Variants in JAKMIP3 observed in about 807,000 individuals in gnomAD.
JAKMIP3 encodes the protein janus kinase and microtubule-interacting protein 3.
Under a neutral mutation model 118.5 loss-of-function variants are expected in JAKMIP3, and 58 were observed. The ratio of observed to expected loss-of-function variants is 0.49; its 90% CI spans 0.40 to 0.61. The LOEUF is 0.61. JAKMIP3 is among the 20% of genes least tolerant of loss of function. The pLI is 0.00. For missense variants in JAKMIP3, 950 were observed against 1,109.0 expected, an observed-to-expected ratio of 0.86 and a Z score of 2.04; for synonymous variants, 486 against 451.2, an observed-to-expected ratio of 1.08 and a Z score of -0.98.
At chr10:132,096,032 T>C (rs2043812670) in intron 1 of JAKMIP3, among the ~76,000 whole-genome samples, 1 of 151,616 alleles carries the variant, frequency 6.6e-6, no homozygotes, top group Admixed American at 6.6e-5. Flanking sequence ...GGTGCTGTGG[T>C]CTTGGGGGGG....
At chr10:132,181,869 C>T (rs916795508) in intron 23 of JAKMIP3, among the ~76,000 whole-genome samples, 1 of 152,092 alleles carries the variant, frequency 6.6e-6, no homozygotes, top group Non-Finnish European at 1.5e-5. Context: ...CCTCAGCCCA[C>T]GTGGCCTCCC....
At chr10:132,054,039 CAAAA>C (rs5789112) in intron 1 of JAKMIP3, among the ~76,000 whole-genome samples, 73 of 100,590 alleles carry the variant, frequency 7.3e-4, no homozygotes, top group East Asian at 5.8e-3. Context: ...GACTCTGTCT[CAAAA>C]AAAAAAAAAA....
At chr10:132,093,534 A>G (rs1261096998) in intron 1 of JAKMIP3, among the ~76,000 whole-genome samples, 1 of 152,212 alleles carries the variant, frequency 6.6e-6, no homozygotes, top group African/African-American at 2.4e-5. Flanking sequence ...GGACCCTCTG[A>G]GCCAGGCACG....
intron 19 of JAKMIP3, among the ~76,000 whole-genome samples, chr10:132,156,119 C>T (rs558010665): frequency 6.6e-6 from 1 of 152,322 alleles, no homozygotes; most frequent in South Asian, 2.1e-4. Context: ...CACTCCTCTG[C>T]CCGCGCCTTC....
chr10:132,070,249 G>T (rs1419361950), intron 1 of JAKMIP3, among the ~76,000 whole-genome samples: 1 of 152,120 alleles, frequency 6.6e-6, no homozygotes, highest in Non-Finnish European at 1.5e-5. Context: ...CTTGGTTCAA[G>T]AAATTCTCCT....
intron 19 of JAKMIP3, among the ~76,000 whole-genome samples, chr10:132,159,627 T>G (rs1172354858): frequency 1.4e-5 from 1 of 69,360 alleles, no homozygotes; most frequent in Non-Finnish European, 2.7e-5. Flanking sequence ...GGGGTCCTCT[T>G]CCTTTGTGAT....
chr10:132,165,851 C>T (rs2058843513), intron 21 of JAKMIP3, among the ~76,000 whole-genome samples: 1 of 152,222 alleles, frequency 6.6e-6, no homozygotes, highest in Admixed American at 6.5e-5. Context: ...CTTTGAGGCC[C>T]CGGTGGACTC....
intron 1 of JAKMIP3, among the ~76,000 whole-genome samples, chr10:132,094,685 ATGC>A (rs1490156653): frequency 1.3e-5 from 2 of 152,054 alleles, no homozygotes; most frequent in Admixed American, 1.3e-4. Context: ...TGGTGGTCTA[ATGC>A]TGTATTTTTG....
chr10:132,108,614 C>G (rs554759776), intron 2 of JAKMIP3, among the ~76,000 whole-genome samples: 1 of 151,928 alleles, frequency 6.6e-6, no homozygotes, highest in Non-Finnish European at 1.5e-5. Context: ...TGCCCCACCC[C>G]TCCCCTGCCT....
At chr10:132,091,035 T>C (rs890554693) in intron 1 of JAKMIP3, among the ~76,000 whole-genome samples, 1 of 152,242 alleles carries the variant, frequency 6.6e-6, no homozygotes, top group Non-Finnish European at 1.5e-5. Flanking sequence ...TTTTGTTATG[T>C]ACCCAGTAGT....
chr10:132,159,375 G>T (rs1214599463), intron 19 of JAKMIP3, among the ~76,000 whole-genome samples: 1 of 103,278 alleles, frequency 9.7e-6, no homozygotes, highest in African/African-American at 3.7e-5. Flanking sequence ...ATGCTGGTTG[G>T]GGGGGGTCTA....
intron 19 of JAKMIP3, among the ~76,000 whole-genome samples, chr10:132,160,986 G>A (rs2058140154): frequency 8.1e-5 from 1 of 12,324 alleles, no homozygotes; most frequent in African/African-American, 3.2e-4. Context: ...GCCTCTCCCT[G>A]TGTGATGCTG....
At position 132,180,670 on chromosome 10, in the gene JAKMIP3, T is replaced by TGC. The variant is rs1263776257; in HGVS notation, c.*1104-1686_*1104-1685insCG. Among the ~76,000 whole-genome samples the TGC allele has an allele frequency of 3.3e-4, 10 of 29,918 alleles. 1 individual carries two copies. Among genetic ancestry groups the TGC allele is most frequent in the Middle Eastern group, 0.015 (1 of 66 alleles). 19.6% of individuals were successfully genotyped at this position (29,918 alleles called of 152,430 possible). On this transcript the variant is annotated intron_variant, in intron 23 of 23. Coordinates refer to ENST00000684848, the MANE Select transcript of JAKMIP3 (RefSeq NM_001323087.2). ...GCGTGTGCGTGTGCGTGTGTGCGTGTGTGTGCGCGCGCGTGTGTGTGCGTG... is the reference window on the plus strand; with the variant it reads ...GCGTGTGCGTGTGCGTGTGTGCGTGTGCGTGTGCGCGCGCGTGTGTGTGCGTG...
chr10:132,183,803 A>G lies in JAKMIP3; in HGVS notation c.*2550A>G, dbSNP rs1160700818. 1 of 152,182 alleles carries G rather than the reference A, an allele frequency of 6.6e-6. No homozygotes were observed. The highest frequency in any genetic ancestry group is 1.5e-5 in the Non-Finnish European group (1 of 68,030). The allele number at this position is 152,182 out of a possible 1,614,324, so 9.4% of individuals were successfully genotyped here. On this transcript the variant is annotated 3_prime_UTR_variant, in exon 24 of 24. Transcript: ENST00000684848. Reference sequence around the variant, plus strand: ...TTCAGAACTGGGTTTTTGCCCCCAAAAAGGTAAATATGAGCATTTATCACT... The same window carrying G: ...TTCAGAACTGGGTTTTTGCCCCCAAGAAGGTAAATATGAGCATTTATCACT...
At chr10:132,150,485 G>A (rs1330316268) in intron 16 of JAKMIP3, among the ~76,000 whole-genome samples, 1 of 152,108 alleles carries the variant, frequency 6.6e-6, no homozygotes, top group Non-Finnish European at 1.5e-5. Context: ...ATTACTGAGT[G>A]GGCAAAATAA....
At chr10:132,139,024 C>T (rs2052510996) in intron 9 of JAKMIP3, among the ~76,000 whole-genome samples, 1 of 151,692 alleles carries the variant, frequency 6.6e-6, no homozygotes, top group Non-Finnish European at 1.5e-5. Context: ...GCCAAAGGAC[C>T]TAACTCATCT....
At chr10:132,109,640 C>G (rs2046545639) in intron 2 of JAKMIP3, among the ~76,000 whole-genome samples, 1 of 152,174 alleles carries the variant, frequency 6.6e-6, no homozygotes, top group East Asian at 1.9e-4. Flanking sequence ...TCTTCCAGCT[C>G]CCACCTGGGC....
chr10:132,141,605 C>G (rs1014560106), intron 10 of JAKMIP3, among the ~76,000 whole-genome samples: 1 of 152,234 alleles, frequency 6.6e-6, no homozygotes, highest in African/African-American at 2.4e-5. Flanking sequence ...AGCAGGAGCC[C>G]CAGCTGAGCC....
intron 1 of JAKMIP3, among the ~76,000 whole-genome samples, chr10:132,039,867 C>T (rs1344417745): frequency 6.6e-6 from 1 of 152,256 alleles, no homozygotes. Context: ...GCAAGTCACG[C>T]TGTGTGTGGA....
Sources: allele counts gnomAD v4.1 joint callset (sites outside exome capture counted in the v4.1 genomes callset), GRCh38; gene constraint gnomAD v4.1.1; transcripts MANE v1.5; gene names NCBI Gene and HGNC (gene_info 2026-07-23, HGNC 2026-07-21).